Variants in PCDHA7 observed in about 807,000 individuals in gnomAD.
PCDHA7 encodes the protein protocadherin alpha-7.
A neutral mutation model predicts 57.2 loss-of-function variants in PCDHA7; 37 were observed. The ratio of observed to expected loss-of-function variants is 0.65; its 90% CI spans 0.50 to 0.85. PCDHA7 has a LOEUF of 0.85. PCDHA7 is among the 40% of genes least tolerant of loss of function. PCDHA7 has a pLI of 0.00. For missense variants in PCDHA7, 1,188 were observed against 1,241.8 expected, an observed-to-expected ratio of 0.96 and a Z score of 0.65; for synonymous variants, 553 against 558.8, an observed-to-expected ratio of 0.99 and a Z score of 0.15.
chr5:140,856,385 C>T lies in PCDHA7; in HGVS notation c.2355+19647C>T, dbSNP rs190288099. On this transcript the variant is annotated intron_variant, in intron 1 of 3. Coordinates refer to ENST00000525929, the MANE Select transcript of PCDHA7 (RefSeq NM_018910.3). ...CCTGGAGGTGATCGTGGACAGGCCG[C>T]TGCAGGTTTTCCATGTGGACGTGGA... 1.5e-4 allele frequency: 246 copies of T among 1,598,538 alleles called. 26 individuals are homozygous for T. The highest frequency in any genetic ancestry group is 2.0e-4 in the Non-Finnish European group (228 of 1,167,982).
chr5:140,853,985 G>A (rs1007400515), intron 1 of PCDHA7: 2 of 520,646 alleles, frequency 3.8e-6, no homozygotes, highest in East Asian at 1.4e-4. Context: ...CCAATGTAGT[G>A]AGACTCATCT....
At chr5:140,942,539 TG>T (rs1370746759) in intron 1 of PCDHA7, among the ~76,000 whole-genome samples, 2 of 151,338 alleles carry the variant, frequency 1.3e-5, no homozygotes, top group Admixed American at 6.6e-5. Flanking sequence ...CTCAGTATGG[TG>T]GGGGGTAGGG....
chr5:140,845,808 A>C (rs1780048238), intron 1 of PCDHA7, among the ~76,000 whole-genome samples: 1 of 149,776 alleles, frequency 6.7e-6, no homozygotes, highest in Non-Finnish European at 1.5e-5. Context: ...AGTGATAGGT[A>C]CATAATAAAA....
chr5:140,927,530 GC>G, intron 1 of PCDHA7: 1 of 1,614,080 alleles, frequency 6.2e-7, no homozygotes, highest in Non-Finnish European at 8.5e-7. Flanking sequence ...CTACCTGCCC[GC>G]TCAGGAGACG....
intron 1 of PCDHA7, chr5:140,868,993 T>C (rs1441909187): frequency 1.3e-6 from 2 of 1,515,702 alleles, no homozygotes; most frequent in Non-Finnish European, 8.8e-7. Context: ...TGCCACCGTT[T>C]AAGGATCCTT....
In PCDHA7 at chr5:140,849,535, C is replaced by T. The variant is rs2150439874; in HGVS notation, c.2355+12797C>T. On this transcript the variant is annotated intron_variant, in intron 1 of 3. Transcript: ENST00000525929. ...GAAGTTGTGGATGTAAATGACAATG[C>T]TCCACAGTTGACTATCAAAACGCTC... 25 of 1,597,860 alleles carry T rather than the reference C, an allele frequency of 1.6e-5. 1 individual carries two copies. In the East Asian group the frequency reaches 4.7e-4, roughly 30 times the overall value.
chr5:140,928,216 A>T, intron 1 of PCDHA7: 1 of 1,614,188 alleles, frequency 6.2e-7, no homozygotes, highest in Non-Finnish European at 8.5e-7. Context: ...GAATGACAAT[A>T]CACCAAACTT....
chr5:140,854,281 A>C, intron 1 of PCDHA7: 2 of 533,292 alleles, frequency 3.8e-6, no homozygotes, highest in Non-Finnish European at 4.8e-6. Context: ...AATTGAGTTT[A>C]GTTTTTATTA....
At chr5:140,887,767 A>G (rs782237653) in intron 1 of PCDHA7, among the ~76,000 whole-genome samples, 6 of 152,194 alleles carry the variant, frequency 3.9e-5, no homozygotes, top group African/African-American at 7.2e-5. Context: ...CATATGTTAC[A>G]ATGACACAGG....
At chr5:140,883,483 C>T (rs1554178423) in intron 1 of PCDHA7, 2 of 1,614,078 alleles carry the variant, frequency 1.2e-6, no homozygotes, top group African/African-American at 2.7e-5. Flanking sequence ...AGAACTACTA[C>T]TCATTAGTGC....
At chr5:140,875,375 A>C in intron 1 of PCDHA7, 2 of 1,456,838 alleles carry the variant, frequency 1.4e-6, no homozygotes, top group East Asian at 5.0e-5. Flanking sequence ...AATTTACTAA[A>C]TATGTACTTA....
At chr5:141,003,181 C>T (rs564008062) in intron 3 of PCDHA7, among the ~76,000 whole-genome samples, 8 of 152,328 alleles carry the variant, frequency 5.3e-5, no homozygotes, top group African/African-American at 1.7e-4. Flanking sequence ...AGGCTCAACT[C>T]CATCAACTCA....
intron 1 of PCDHA7, chr5:140,968,689 A>T: frequency 2.5e-6 from 4 of 1,614,124 alleles, no homozygotes; most frequent in Non-Finnish European, 3.4e-6. Context: ...ACACAGGAGA[A>T]ATTAGGACTA....
At chr5:140,870,552 G>T in intron 1 of PCDHA7, 4 of 1,614,042 alleles carry the variant, frequency 2.5e-6, no homozygotes, top group Non-Finnish European at 2.5e-6. Flanking sequence ...ACGCGGACGC[G>T]CAGGAGAACG....
chr5:140,850,702 A>AAG, intron 1 of PCDHA7: 1 of 1,598,166 alleles, frequency 6.3e-7, no homozygotes, highest in Non-Finnish European at 8.6e-7. Flanking sequence ...GCGCCTGGCA[A>AAG]GCCGACGCTG....
intron 1 of PCDHA7, among the ~76,000 whole-genome samples, chr5:140,885,128 T>A (rs2060480813): frequency 6.6e-6 from 1 of 152,222 alleles, no homozygotes; most frequent in Non-Finnish European, 1.5e-5. Context: ...CTTTTCTTTC[T>A]TTCTTTTTTT....
At chr5:140,899,575 G>C (rs1347901369) in intron 1 of PCDHA7, among the ~76,000 whole-genome samples, 1 of 152,086 alleles carries the variant, frequency 6.6e-6, no homozygotes, top group African/African-American at 2.4e-5. Flanking sequence ...TGCTGGATTC[G>C]GTTTGCCAGT....
At chr5:140,841,317 T>A in intron 1 of PCDHA7, 1 of 1,600,298 alleles carries the variant, frequency 6.2e-7, no homozygotes, top group Non-Finnish European at 8.5e-7. Flanking sequence ...AAACGACTAT[T>A]TAACATGGAT....
chr5:140,844,012 A>G (rs2150368214), intron 1 of PCDHA7, among the ~76,000 whole-genome samples: 3 of 149,698 alleles, frequency 2.0e-5, no homozygotes, highest in African/African-American at 7.3e-5. Flanking sequence ...TACTCTAAGG[A>G]CGTTCAGGGC....
Sources: gnomAD v4.1 joint callset for allele counts (sites outside exome capture counted in the v4.1 genomes callset) on GRCh38, gnomAD v4.1.1 for gene constraint, MANE v1.5 for transcripts, NCBI Gene and HGNC (gene_info 2026-07-23, HGNC 2026-07-21) for gene names.